Variants in RARB observed in about 807,000 individuals in gnomAD.
RARB encodes the protein HBV-activated protein.
Under a neutral mutation model 51.9 loss-of-function variants are expected in RARB, and 17 were observed. The ratio of observed to expected loss-of-function variants is 0.33; its 90% confidence interval spans 0.22 to 0.49. The LOEUF is 0.49. Among genes scored for constraint, RARB ranks in the 20% least tolerant of loss-of-function variants. RARB has a pLI of 0.99. For missense variants in RARB, 369 were observed against 550.8 expected (o/e 0.67, Z 3.30); for synonymous variants, 215 against 195.4 (o/e 1.10, Z -0.84).
intron 4 of RARB, among the ~76,000 whole-genome samples, chr3:25,171,397 C>T (rs1700641829): frequency 7.3e-6 from 1 of 136,518 alleles, no homozygotes; most frequent in Non-Finnish European, 1.5e-5. Flanking sequence ...ACTGCTCAGA[C>T]AATTTTCCAC....
At chr3:25,372,102 G>T (rs1706317786) in intron 5 of RARB, among the ~76,000 whole-genome samples, 1 of 152,198 alleles carries the variant, frequency 6.6e-6, no homozygotes, top group African/African-American at 2.4e-5. Context: ...TTGAAACCTT[G>T]TAGGCCAGGA....
chr3:25,023,200 T>C (rs1022161109), intron 2 of RARB, among the ~76,000 whole-genome samples: 3 of 152,134 alleles, frequency 2.0e-5, no homozygotes, highest in Non-Finnish European at 4.4e-5. Flanking sequence ...GATGTTACCA[T>C]AACCTTGGGA....
At chr3:25,307,775 G>C (rs552172630) in intron 5 of RARB, among the ~76,000 whole-genome samples, 2 of 150,956 alleles carry the variant, frequency 1.3e-5, no homozygotes, top group Non-Finnish European at 1.5e-5. Context: ...AGCTTCTCCA[G>C]CTGGAATCTT....
At chr3:24,935,710 G>A (rs1356737267) in intron 2 of RARB, among the ~76,000 whole-genome samples, 1 of 152,120 alleles carries the variant, frequency 6.6e-6, no homozygotes, top group Non-Finnish European at 1.5e-5. Context: ...AAGTAGGCCT[G>A]GCAGGATGAG....
At chr3:24,907,863 A>C (rs1417002386) in intron 2 of RARB, among the ~76,000 whole-genome samples, 1 of 152,154 alleles carries the variant, frequency 6.6e-6, no homozygotes. Context: ...GGATCTAGTA[A>C]GCAATATTAA....
intron 5 of RARB, among the ~76,000 whole-genome samples, chr3:25,195,913 C>T (rs1181422414): frequency 6.6e-6 from 1 of 151,810 alleles, no homozygotes; most frequent in African/African-American, 2.4e-5. Context: ...ATGTTTATGG[C>T]TCTATTTTAA....
intron 5 of RARB, among the ~76,000 whole-genome samples, chr3:25,300,337 A>T (rs1301294269): frequency 6.6e-6 from 1 of 152,240 alleles, no homozygotes; most frequent in African/African-American, 2.4e-5. Context: ...GAGGAAGGAG[A>T]GTATGTGCTG....
chr3:25,148,260 C>T (rs1290443580), intron 4 of RARB, among the ~76,000 whole-genome samples: 5 of 115,040 alleles, frequency 4.3e-5, no homozygotes, highest in Admixed American at 1.1e-4. Context: ...AGAAACACAC[C>T]GTTCAATTCA....
chr3:25,138,121 C>A (rs1700058620), intron 4 of RARB, among the ~76,000 whole-genome samples: 1 of 152,096 alleles, frequency 6.6e-6, no homozygotes, highest in Admixed American at 6.6e-5. Flanking sequence ...GAATTTCGGT[C>A]TTCAGGGAGC....
intron 5 of RARB, among the ~76,000 whole-genome samples, chr3:25,317,104 T>C (rs1367165126): frequency 6.6e-6 from 1 of 152,234 alleles, no homozygotes; most frequent in Admixed American, 6.5e-5. Flanking sequence ...TACAACATTT[T>C]TGCATAGATA....
chr3:25,131,645 T>C (rs1162715390), intron 3 of RARB, among the ~76,000 whole-genome samples: 1 of 151,990 alleles, frequency 6.6e-6, no homozygotes, highest in East Asian at 1.9e-4. Flanking sequence ...AATCAAAAAG[T>C]CTATGATGGA....
At chr3:25,298,881 C>T (rs940503202) in intron 5 of RARB, among the ~76,000 whole-genome samples, 1 of 152,112 alleles carries the variant, frequency 6.6e-6, no homozygotes, top group Non-Finnish European at 1.5e-5. Context: ...GGTTGGGAGC[C>T]AGATGTGATT....
intron 1 of RARB, among the ~76,000 whole-genome samples, chr3:25,431,975 G>A (rs762255648): frequency 1.3e-5 from 2 of 152,126 alleles, no homozygotes; most frequent in Non-Finnish European, 2.9e-5. Context: ...AAGACTGACA[G>A]CCACCGTATG....
intron 5 of RARB, among the ~76,000 whole-genome samples, chr3:25,398,106 A>T (rs1707166002): frequency 6.6e-6 from 1 of 152,138 alleles, no homozygotes; most frequent in African/African-American, 2.4e-5. Context: ...ATCTCAATTT[A>T]TGTATCCAGG....
chr3:24,883,048 G>C (rs916475347), intron 2 of RARB, among the ~76,000 whole-genome samples: 2 of 152,126 alleles, frequency 1.3e-5, no homozygotes, highest in Non-Finnish European at 2.9e-5. Context: ...CAAACGGAGA[G>C]TCAGTAAGAG....
At chr3:25,359,562 A>G (rs1052400338) in intron 5 of RARB, among the ~76,000 whole-genome samples, 2 of 151,928 alleles carry the variant, frequency 1.3e-5, no homozygotes, top group Non-Finnish European at 2.9e-5. Context: ...TTTAATTGTG[A>G]TGTTAGAGTG....
intron 2 of RARB, among the ~76,000 whole-genome samples, chr3:24,896,113 A>G (rs1686340292): frequency 6.6e-6 from 1 of 152,334 alleles, no homozygotes; most frequent in South Asian, 2.1e-4. Flanking sequence ...CAGACCCAAA[A>G]GGAAAATATT....
rs957205365 is a variant in RARB at position 25,521,510 on chromosome 3, A to G, written c.448+20187A>G. ...ATTCTGGGGGAAAAAATAAGATATGAGAATCCACTGGAGCTTTGGTTCTGC... is the reference window on the plus strand; with the variant it reads ...ATTCTGGGGGAAAAAATAAGATATGGGAATCCACTGGAGCTTTGGTTCTGC... On this transcript the variant is annotated intron_variant, in intron 3 of 7. Coordinates refer to ENST00000330688, the MANE Select transcript of RARB (RefSeq NM_000965.5). Among the ~76,000 whole-genome samples the G allele has an allele frequency of 5.9e-5, 9 of 152,178 alleles. No homozygotes were observed. In the East Asian group the frequency reaches 1.7e-3, roughly 29 times the overall value.
In RARB at chr3:25,432,465, T is replaced by C. The variant is rs532921982; in HGVS notation, c.157+3577T>C. 5.3e-5 allele frequency among the ~76,000 whole-genome samples: 8 copies of C among 152,308 alleles called. No homozygotes were observed. The South Asian group carries it at 1.4e-3, about 28-fold the overall frequency. Reference sequence around the variant, plus strand: ...GCCCTTGCATTGAAGCAGGTCTTTTTTCCTTAATAGATAAATGACCAGAAT... The same window carrying C: ...GCCCTTGCATTGAAGCAGGTCTTTTCTCCTTAATAGATAAATGACCAGAAT... On this transcript the variant is annotated intron_variant, in intron 1 of 7. Transcript: ENST00000330688.
Sources: gnomAD v4.1 joint callset for allele counts (sites outside exome capture counted in the v4.1 genomes callset) on GRCh38, gnomAD v4.1.1 for gene constraint, MANE v1.5 for transcripts, NCBI Gene and HGNC (gene_info 2026-07-23, HGNC 2026-07-21) for gene names.